VGLL4: variants seen among roughly 807,000 people sequenced by gnomAD.
VGLL4 encodes transcription cofactor vestigial-like protein 4.
Under a neutral mutation model 21.0 loss-of-function variants are expected in VGLL4, and 7 were observed. The observed-to-expected ratio is 0.33, with a 90% CI of 0.19 to 0.63. The LOEUF (loss-of-function observed/expected upper bound fraction) is 0.63. Among genes scored for constraint, VGLL4 ranks in the 20% least tolerant of loss-of-function variants. VGLL4 has a pLI of 0.78. For missense variants in VGLL4, 394 were observed against 425.7 expected (o/e 0.93, Z 0.66); for synonymous variants, 222 against 173.2 (o/e 1.28, Z -2.21).
At position 11,643,594 on chromosome 3, in the gene VGLL4, G is replaced by A. The variant is rs759391556; in HGVS notation, c.-76C>T. 1 of 1,603,150 alleles carries A rather than the reference G, an allele frequency of 6.2e-7. No homozygotes were observed. The highest frequency in any genetic ancestry group is 8.5e-7 in the Non-Finnish European group (1 of 1,176,498). On this transcript the variant is annotated 5_prime_UTR_variant, in exon 1 of 5. Coordinates refer to ENST00000430365, the MANE Select transcript of VGLL4 (RefSeq NM_001128219.3). ...TAAGTTTCAAAAATCAATTGTTGCT[G>A]AGTAGCTCCTGGCTCTTCAACTTCA...
At chr3:11,578,557 T>TA (rs1224963380) in intron 2 of VGLL4, among the ~76,000 whole-genome samples, 1 of 149,026 alleles carries the variant, frequency 6.7e-6, no homozygotes, top group Non-Finnish European at 1.5e-5. Context: ...ATTTTCCTCT[T>TA]AAAGTTACCG....
At chr3:11,695,855 A>G (rs940065680) in intron 2 of VGLL4, among the ~76,000 whole-genome samples, 4 of 152,210 alleles carry the variant, frequency 2.6e-5, no homozygotes, top group Non-Finnish European at 5.9e-5. Context: ...CAGTGATCAG[A>G]TAAGCCTCCA....
chr3:11,709,222 G>A (rs1328360300), intron 1 of VGLL4, among the ~76,000 whole-genome samples: 1 of 151,956 alleles, frequency 6.6e-6, no homozygotes, highest in African/African-American at 2.4e-5. Context: ...CGGATCACAA[G>A]GTCAGGAGTT....
chr3:11,593,688 G>C (rs1028770695), intron 2 of VGLL4, among the ~76,000 whole-genome samples: 1 of 152,182 alleles, frequency 6.6e-6, no homozygotes, highest in Non-Finnish European at 1.5e-5. Context: ...GAGAGCCCAA[G>C]CCTGGAATAC....
At chr3:11,683,981 C>A (rs564446627) in intron 2 of VGLL4, among the ~76,000 whole-genome samples, 18 of 152,052 alleles carry the variant, frequency 1.2e-4, no homozygotes, top group African/African-American at 3.1e-4. Flanking sequence ...GAGGCCAAGG[C>A]GGGTGGATCA....
chr3:11,600,263 G>A (rs183785586), intron 2 of VGLL4, among the ~76,000 whole-genome samples: 1 of 152,002 alleles, frequency 6.6e-6, no homozygotes, highest in East Asian at 1.9e-4. Context: ...GCTAAATTAA[G>A]TGACTTGTCC....
Position 11,558,141 on chromosome 3 carries a change from C to T in VGLL4, c.*415G>A, listed in dbSNP as rs888183731. Reference sequence around the variant, plus strand: ...CACACATGGACCGAACCAAACACGCCGTGGAAGCTGAGCCACACACACCCC... The same window carrying T: ...CACACATGGACCGAACCAAACACGCTGTGGAAGCTGAGCCACACACACCCC... On this transcript the variant is annotated 3_prime_UTR_variant, in exon 5 of 5. Coordinates refer to ENST00000430365, the MANE Select transcript of VGLL4 (RefSeq NM_001128219.3). The T allele has an allele frequency of 3.9e-5, 9 of 229,968 alleles. No individual in the cohort carries two copies. The highest frequency in any genetic ancestry group is 1.8e-4 in the African/African-American group (8 of 44,878). The allele number at this position is 229,968 out of a possible 1,614,324, so 14.2% of individuals were successfully genotyped here.
intron 3 of VGLL4, among the ~76,000 whole-genome samples, chr3:11,561,133 C>G (rs986915321): frequency 6.8e-6 from 1 of 146,920 alleles, no homozygotes; most frequent in Non-Finnish European, 1.5e-5. Flanking sequence ...AGACCCCCCC[C>G]CAGGGTCCTC....
At chr3:11,633,763 C>T (rs990757566) in intron 1 of VGLL4, 3 of 151,948 alleles carry the variant, frequency 2.0e-5, no homozygotes, top group African/African-American at 7.3e-5. Context: ...ATAGGAGCCA[C>T]GAGAAAGGAA....
rs1166202347 is a variant in VGLL4 at position 11,676,413 on chromosome 3, AAATAATAATAAT to A, written c.64+26546_64+26557del. Among the ~76,000 whole-genome samples the A allele has an allele frequency of 1.3e-4, 6 of 46,914 alleles. No individual in the cohort carries two copies. The East Asian group carries it at 1.5e-3, about 12-fold the overall frequency. 30.8% of individuals were successfully genotyped at this position (46,914 alleles called of 152,430 possible). ...CTGTCTCAAAAAAAAAAAAAAAATA[AAATAATAATAAT>A]AATAATAATAATAATAATTTTACAA... On this transcript the variant is annotated intron_variant, in intron 2 of 5. Coordinates refer to the VGLL4 transcript ENST00000273038.
At chr3:11,563,252 C>T (rs945556673) in intron 3 of VGLL4, among the ~76,000 whole-genome samples, 6 of 152,212 alleles carry the variant, frequency 3.9e-5, no homozygotes, top group African/African-American at 4.8e-5. Flanking sequence ...CCCCTCCATA[C>T]CCGTGTCCTT....
intron 1 of VGLL4, among the ~76,000 whole-genome samples, chr3:11,704,015 G>GA (rs2076721241): frequency 6.6e-6 from 1 of 152,080 alleles, no homozygotes; most frequent in African/African-American, 2.4e-5. Context: ...AGGCCAAGGC[G>GA]GGCAGATCAC....
intron 2 of VGLL4, among the ~76,000 whole-genome samples, chr3:11,570,320 CT>C (rs1162635190): frequency 6.6e-6 from 1 of 152,154 alleles, no homozygotes; most frequent in African/African-American, 2.4e-5. Context: ...TTCCACCCAC[CT>C]TCCTGCCCCA....
At chr3:11,698,085 T>G (rs1413277797) in intron 2 of VGLL4, among the ~76,000 whole-genome samples, 1 of 152,236 alleles carries the variant, frequency 6.6e-6, no homozygotes, top group Admixed American at 6.5e-5. Flanking sequence ...GTTACCAAAC[T>G]TAACCATTTT....
At position 11,643,762 on chromosome 3, in the gene VGLL4, G is replaced by C; in HGVS notation, c.-244C>G. 1 of 1,225,548 alleles carries C rather than the reference G, an allele frequency of 8.2e-7. No homozygotes were observed. The highest frequency in any genetic ancestry group is 2.6e-5 in the South Asian group (1 of 38,676). 75.9% of individuals were successfully genotyped at this position (1,225,548 alleles called of 1,614,324 possible). ...CGGTGTATGTACTGTATCCCCGATC[G>C]AGTATGAAAACAGCGTTTCAGAAGT... On this transcript the variant is annotated 5_prime_UTR_variant, in exon 1 of 5. Transcript: ENST00000430365.
At chr3:11,707,184 T>C (rs950005867) in intron 1 of VGLL4, among the ~76,000 whole-genome samples, 8 of 150,816 alleles carry the variant, frequency 5.3e-5, no homozygotes, top group South Asian at 2.1e-4. Flanking sequence ...AAAAATGAGC[T>C]GGAAGTGGTG....
intron 2 of VGLL4, among the ~76,000 whole-genome samples, chr3:11,689,554 C>T (rs1338367878): frequency 6.6e-6 from 1 of 152,310 alleles, no homozygotes; most frequent in South Asian, 2.1e-4. Flanking sequence ...TTTGAAGATA[C>T]CGACTAACAT....
chr3:11,627,188 T>TTTATAGGCATACTTATGTATAA (rs1384841713), intron 1 of VGLL4: 1 of 145,140 alleles, frequency 6.9e-6, no homozygotes, highest in African/African-American at 2.6e-5. Flanking sequence ...GAGTAAGCAC[T>TTTATAGGCATACTTATGTATAA]GTGTTTGTTT....
chr3:11,678,695 C>T (rs1373657024), intron 2 of VGLL4, among the ~76,000 whole-genome samples: 2 of 152,222 alleles, frequency 1.3e-5, no homozygotes, highest in East Asian at 3.9e-4. Context: ...CCTTAATATA[C>T]ATACATTCTC....
Sources: gnomAD v4.1 joint callset for allele counts (sites outside exome capture counted in the v4.1 genomes callset) on GRCh38, gnomAD v4.1.1 for gene constraint, MANE v1.5 for transcripts, NCBI Gene and HGNC (gene_info 2026-07-23, HGNC 2026-07-21) for gene names.